Variants in ADGRL3 observed in about 807,000 individuals in gnomAD.
ADGRL3 encodes the protein calcium-independent alpha-latrotoxin receptor 3.
Under a neutral mutation model 153.5 loss-of-function variants are expected in ADGRL3, and 62 were observed. The ratio of observed to expected loss-of-function variants is 0.40; its 90% CI spans 0.33 to 0.50. ADGRL3 has a LOEUF of 0.50. Ranked by LOEUF, ADGRL3 falls within the 20% of genes least tolerant of loss-of-function variation. The probability of loss-of-function intolerance (pLI) is 0.47; values close to 1 mark genes in which losing one functional copy is unlikely to be tolerated. For synonymous variants in ADGRL3, 710 were observed against 672.5 expected, an observed-to-expected ratio of 1.06 and a Z score of -0.86; for missense variants, 1,641 against 1,859.4, an observed-to-expected ratio of 0.88 and a Z score of 2.16.
intron 13 of ADGRL3, among the ~76,000 whole-genome samples, chr4:61,925,299 T>G (rs985651980): frequency 1.3e-5 from 2 of 152,200 alleles, no homozygotes; most frequent in Non-Finnish European, 2.9e-5. Context: ...TATTCTTACT[T>G]CATTTGCCCC....
At chr4:61,574,101 A>C in intron 4 of ADGRL3, among the ~76,000 whole-genome samples, 1 of 151,996 alleles carries the variant, frequency 6.6e-6, no homozygotes, top group East Asian at 1.9e-4. Flanking sequence ...TAGGGCATTT[A>C]CACCTATCCA....
intron 25 of ADGRL3, among the ~76,000 whole-genome samples, chr4:62,051,779 T>C (rs2151765044): frequency 6.6e-6 from 1 of 151,940 alleles, no homozygotes; most frequent in East Asian, 1.9e-4. Context: ...ACCTCTATTG[T>C]GAATCAAACA....
rs1420590286 is a variant in ADGRL3 at position 61,732,089 on chromosome 4, C to T, written c.599-665C>T. Among the ~76,000 whole-genome samples, 3 of 151,980 alleles carry T rather than the reference C, an allele frequency of 2.0e-5. No homozygotes were observed. In the East Asian group the frequency reaches 5.8e-4, roughly 29 times the overall value. On this transcript the variant is annotated intron_variant, in intron 7 of 26. Transcript: ENST00000683033. ...TAGATCTTGGGTTCTTTTCTGTAAC[C>T]TTTCACCTTTTCTTCTTTCCTTATT...
At chr4:61,441,519 C>CT (rs141891357) in intron 2 of ADGRL3, among the ~76,000 whole-genome samples, 4 of 144,326 alleles carry the variant, frequency 2.8e-5, no homozygotes, top group African/African-American at 1.0e-4. Flanking sequence ...CCCTCTCACT[C>CT]TTTTTTTTTT....
At chr4:61,274,853 C>A (rs112167600) in intron 1 of ADGRL3, among the ~76,000 whole-genome samples, 160 of 151,942 alleles carry the variant, frequency 1.1e-3, no homozygotes, top group African/African-American at 3.5e-3. Context: ...AGGATGGAGC[C>A]CAGAAGATCA....
At chr4:61,491,434 A>C (rs1000389635) in intron 2 of ADGRL3, among the ~76,000 whole-genome samples, 1 of 152,130 alleles carries the variant, frequency 6.6e-6, no homozygotes, top group South Asian at 2.1e-4. Context: ...GTTACTATGG[A>C]CAGATATTAT....
At chr4:61,720,396 A>G (rs1460919694) in intron 6 of ADGRL3, among the ~76,000 whole-genome samples, 4 of 152,118 alleles carry the variant, frequency 2.6e-5, no homozygotes, top group Non-Finnish European at 5.9e-5. Context: ...CTAGAGTGAC[A>G]CTTTTTTAAG....
At chr4:61,442,852 T>C (rs2152477269) in intron 2 of ADGRL3, among the ~76,000 whole-genome samples, 1 of 152,302 alleles carries the variant, frequency 6.6e-6, no homozygotes, top group East Asian at 1.9e-4. Flanking sequence ...TTTTTTATTA[T>C]AGTTTTTCCT....
intron 17 of ADGRL3, among the ~76,000 whole-genome samples, chr4:61,962,116 A>G (rs891948518): frequency 2.6e-5 from 4 of 151,968 alleles, no homozygotes; most frequent in African/African-American, 9.7e-5. Context: ...GTATGGGCCT[A>G]TAGTCTCAGC....
rs747307189 is a variant in ADGRL3 at position 62,031,467 on chromosome 4, C to G, written c.3448C>G (p.Leu1150Val). 1.1e-5 allele frequency: 17 copies of G among 1,610,096 alleles called. No homozygotes were observed. Among genetic ancestry groups the G allele is most frequent in the Middle Eastern group, 1.6e-4 (1 of 6,062 alleles). The change falls in exon 23 of 27, where the codon CTT becomes GTT. Residue 1150 changes from leucine (L) to valine (V), a missense_variant. Transcript: ENST00000683033. The part of the protein sequence containing the change: ...IKSWVIGAIA[L>V]LCLLGLTWAF... ...GTCATGGGTTATAGGTGCAATAGCT[C>G]TTCTCTGCCTATTAGGATTGACCTG...
intron 1 of ADGRL3, among the ~76,000 whole-genome samples, chr4:61,341,848 G>A (rs1433984964): frequency 6.6e-6 from 1 of 151,948 alleles, no homozygotes; most frequent in Non-Finnish European, 1.5e-5. Context: ...ACTCGTGTTT[G>A]GTGGAGAATA....
At chr4:61,333,533 A>G (rs1448554041) in intron 1 of ADGRL3, among the ~76,000 whole-genome samples, 1 of 152,044 alleles carries the variant, frequency 6.6e-6, no homozygotes, top group Non-Finnish European at 1.5e-5. Flanking sequence ...GTTTTATGGC[A>G]TTTCTTAATC....
chr4:61,913,798 C>G (rs1375661196), intron 13 of ADGRL3, among the ~76,000 whole-genome samples: 1 of 152,016 alleles, frequency 6.6e-6, no homozygotes, highest in Non-Finnish European at 1.5e-5. Context: ...AAAATCATAG[C>G]AAAAGGAATT....
intron 13 of ADGRL3, among the ~76,000 whole-genome samples, chr4:61,931,193 C>A (rs2098816091): frequency 6.6e-6 from 1 of 152,118 alleles, no homozygotes. Context: ...CACATGTTGC[C>A]TTTACTCTCC....
chr4:61,410,755 G>T (rs2097076918), intron 2 of ADGRL3, among the ~76,000 whole-genome samples: 1 of 152,140 alleles, frequency 6.6e-6, no homozygotes, highest in Non-Finnish European at 1.5e-5. Flanking sequence ...ACACTATCGT[G>T]CAGGCTGCTG....
intron 9 of ADGRL3, among the ~76,000 whole-genome samples, chr4:61,866,415 CTTCATG>C (rs897914770): frequency 1.8e-4 from 27 of 152,184 alleles, no homozygotes; most frequent in Admixed American, 2.6e-4. Flanking sequence ...GGAGTGTGTT[CTTCATG>C]TTCACGCACA....
chr4:61,510,076 T>C (rs2152866237), intron 3 of ADGRL3, among the ~76,000 whole-genome samples: 1 of 152,348 alleles, frequency 6.6e-6, no homozygotes, highest in Non-Finnish European at 1.5e-5. Flanking sequence ...TTTTGCGAAG[T>C]GTTTGTTCAT....
At position 61,672,157 on chromosome 4, in the gene ADGRL3, T is replaced by C. The variant is rs58935585; in HGVS notation, c.474-4669T>C. 2.6e-5 allele frequency among the ~76,000 whole-genome samples: 4 copies of C among 152,224 alleles called. No homozygotes were observed. The South Asian group carries it at 8.3e-4, about 32-fold the overall frequency. ...TCAATTTTAAGAAGGTTTTTACCTA[T>C]GTTTTCTTCTAATAGTTTTATAGTT... On this transcript the variant is annotated intron_variant, in intron 5 of 26. Coordinates refer to ENST00000683033, the MANE Select transcript of ADGRL3 (RefSeq NM_001387552.1).
At chr4:61,530,137 A>C (rs1157930487) in intron 4 of ADGRL3, among the ~76,000 whole-genome samples, 1 of 152,156 alleles carries the variant, frequency 6.6e-6, no homozygotes, top group Non-Finnish European at 1.5e-5. Flanking sequence ...AATTAAATAG[A>C]ATATTTAGCC....
Sources: allele counts gnomAD v4.1 joint callset (sites outside exome capture counted in the v4.1 genomes callset), GRCh38; gene constraint gnomAD v4.1.1; transcripts MANE v1.5; gene names NCBI Gene and HGNC (gene_info 2026-07-23, HGNC 2026-07-21).